The following COL4A4 variants were observed in gnomAD, a reference collection of about 807,000 sequenced individuals.
The protein encoded by COL4A4 is collagen alpha-4(IV) chain.
Under a neutral mutation model 192.9 loss-of-function variants are expected in COL4A4, and 105 were observed. That is an observed-to-expected ratio of 0.54 (90% CI 0.46 to 0.64). The LOEUF is 0.64. Ranked by LOEUF, COL4A4 falls within the 30% of genes least tolerant of loss-of-function variation. The pLI, the probability that COL4A4 is intolerant of heterozygous loss-of-function variation, is 0.00. For synonymous variants in COL4A4, 762 were observed against 769.9 expected, an observed-to-expected ratio of 0.99 and a Z score of 0.17; for missense variants, 1,967 against 2,169.3, an observed-to-expected ratio of 0.91 and a Z score of 1.85.
intron 37 of COL4A4, among the ~76,000 whole-genome samples, chr2:227,035,229 T>C (rs952550093): frequency 2.0e-5 from 3 of 152,162 alleles, no homozygotes; most frequent in Non-Finnish European, 4.4e-5. Flanking sequence ...ACAAGGTGGA[T>C]GAGGGAGAAA....
intron 44 of COL4A4, among the ~76,000 whole-genome samples, chr2:227,014,330 G>T (rs1201609373): frequency 6.6e-6 from 1 of 152,156 alleles, no homozygotes; most frequent in Non-Finnish European, 1.5e-5. Context: ...TGCATTTCTA[G>T]AAGTCCCCAG....
At chr2:227,139,687 G>A (rs2063065576) in intron 4 of COL4A4, among the ~76,000 whole-genome samples, 1 of 152,134 alleles carries the variant, frequency 6.6e-6, no homozygotes, top group African/African-American at 2.4e-5. Flanking sequence ...ACAGTGCCTG[G>A]CACATAACAA....
At chr2:227,139,080 G>C (rs906750690) in intron 4 of COL4A4, among the ~76,000 whole-genome samples, 2 of 152,176 alleles carry the variant, frequency 1.3e-5, no homozygotes, top group Admixed American at 1.3e-4. Flanking sequence ...TTGGATGAAT[G>C]CCCATATAAA....
upstream of COL4A4, chr2:227,164,440 C>T: frequency 1.9e-6 from 1 of 530,238 alleles, no homozygotes; most frequent in Non-Finnish European, 3.4e-6. The surrounding 1 kb of genome is among the most constrained non-coding windows in gnomAD (Gnocchi z 4.8). Flanking sequence ...AGCCCTTTCT[C>T]GCCTCCTGGG....
intron 37 of COL4A4, among the ~76,000 whole-genome samples, chr2:227,041,294 G>A (rs1181916562): frequency 1.3e-5 from 2 of 152,224 alleles, no homozygotes; most frequent in East Asian, 3.9e-4. Flanking sequence ...AACCATAGGT[G>A]AAGGGAATAC....
At chr2:227,141,576 C>A (rs928691815) in intron 3 of COL4A4, among the ~76,000 whole-genome samples, 2 of 152,116 alleles carry the variant, frequency 1.3e-5, no homozygotes, top group Non-Finnish European at 2.9e-5. Flanking sequence ...TATGCTCAGA[C>A]ACAATCCAAA....
At chr2:227,108,756 T>C in intron 11 of COL4A4, 77 bp downstream of exon 11, 1 of 1,532,506 alleles carries the variant, frequency 6.5e-7, no homozygotes, top group South Asian at 1.1e-5. Flanking sequence ...AGGAAAGCCA[T>C]CATTCTGACA....
intron 4 of COL4A4, among the ~76,000 whole-genome samples, chr2:227,135,040 C>G (rs549035461): frequency 1.8e-4 from 28 of 152,282 alleles, no homozygotes; most frequent in African/African-American, 6.3e-4. Flanking sequence ...AGAGCTTCCT[C>G]CCTTGAAACT....
chr2:227,001,372 G>GAGAT (rs1960919231), downstream of COL4A4, among the ~76,000 whole-genome samples: 1 of 133,010 alleles, frequency 7.5e-6, no homozygotes, highest in African/African-American at 3.2e-5. Context: ...AGTTGACCCT[G>GAGAT]AGATAAAGGC....
At chr2:227,041,834 A>AAGAGAAAGAAAG (rs1354325705) in intron 37 of COL4A4, among the ~76,000 whole-genome samples, 5 of 41,860 alleles carry the variant, frequency 1.2e-4, no homozygotes, top group East Asian at 6.1e-4. Flanking sequence ...GAAAGAAAGA[A>AAGAGAAAGAAAG]AGAAAGAAAG....
Position 227,098,802 on chromosome 2 carries a change from C to T in COL4A4, c.1100-4G>A, listed in dbSNP as rs375731786. 2 of 1,610,868 alleles carry T rather than the reference C, an allele frequency of 1.2e-6. No homozygotes were observed. The highest frequency in any genetic ancestry group is 8.5e-7 in the Non-Finnish European group (1 of 1,177,226). ...AACCCTGGGTCCCCTGGTGGGCCTG[C>T]CAAAGATAATGGTACATGAGAATAA... On this transcript the variant is annotated splice_region_variant and splice_polypyrimidine_tract_variant and intron_variant, in intron 18 of 47. Coordinates refer to ENST00000396625, the MANE Select transcript of COL4A4 (RefSeq NM_000092.5).
Position 227,114,435 on chromosome 2 carries a change from G to C in COL4A4, c.558+193C>G. The C allele has an allele frequency of 5.8e-6, 4 of 686,556 alleles. No homozygotes were observed. The South Asian group carries it at 6.2e-5, about 11-fold the overall frequency. The allele number at this position is 686,556 out of a possible 1,614,324, so 42.5% of individuals were successfully genotyped here. A position where few individuals can be genotyped will look rare whatever the true frequency, so the allele number is the denominator to read the frequency against. On this transcript the variant is annotated intron_variant, in intron 8 of 47. Transcript: ENST00000396625. ...TTCAGAAGTAATGGAATTTTACAGT[G>C]CTGGAATTTTACTGGCGACTAAAGC...
In COL4A4 at chr2:227,089,654, T is replaced by TA. The variant is rs2059804965; in HGVS notation, c.1459+213dup. Among the ~76,000 whole-genome samples, 506 of 142,186 alleles carry TA rather than the reference T, an allele frequency of 3.6e-3. 7 individuals carry two copies. Among genetic ancestry groups the TA allele is most frequent in the Non-Finnish European group, 5.9e-3 (379 of 64,664 alleles). The allele number at this position is 142,186 out of a possible 152,430, so 93.3% of individuals were successfully genotyped here. On this transcript the variant is annotated intron_variant, in intron 21 of 47. Coordinates refer to ENST00000396625, the MANE Select transcript of COL4A4 (RefSeq NM_000092.5). The stretch of plus-strand genomic sequence containing the variant: ...ATAAGACACAAGGCTTTGACTTTTA[T>TA]AATATATAAGACACAAGGCTTTATA...
chr2:227,021,045 T>C (rs1016246091), intron 44 of COL4A4, among the ~76,000 whole-genome samples: 1 of 151,920 alleles, frequency 6.6e-6, no homozygotes, highest in Non-Finnish European at 1.5e-5. Context: ...TTTGTACTTT[T>C]AGTAAGAGAC....
the COL4A4 span, among the ~76,000 whole-genome samples, chr2:226,968,183 G>T: frequency 1.3e-4 from 20 of 152,324 alleles, no homozygotes; most frequent in South Asian, 4.1e-3. Flanking sequence ...TATAAGAGTT[G>T]TATAAACTGG....
intron 1 of COL4A4, among the ~76,000 whole-genome samples, chr2:227,152,218 G>A (rs1258613137): frequency 6.6e-6 from 1 of 152,212 alleles, no homozygotes; most frequent in Admixed American, 6.5e-5. Flanking sequence ...GGAAAAATTG[G>A]TGGTTGAGGG....
At chr2:226,978,605 G>C in the COL4A4 span, among the ~76,000 whole-genome samples, 1 of 152,178 alleles carries the variant, frequency 6.6e-6, no homozygotes, top group Non-Finnish European at 1.5e-5. Flanking sequence ...TTCATCCCCA[G>C]GCATAGAATG....
chr2:227,090,793 T>TA (rs1256341597), intron 20 of COL4A4, among the ~76,000 whole-genome samples: 3 of 125,990 alleles, frequency 2.4e-5, no homozygotes, highest in African/African-American at 8.9e-5. Context: ...AATAAATAAA[T>TA]AAAAATAAGT....
At chr2:227,160,313 C>A (rs2064719009) in intron 1 of COL4A4, among the ~76,000 whole-genome samples, 2 of 152,212 alleles carry the variant, frequency 1.3e-5, no homozygotes, top group Non-Finnish European at 2.9e-5. Context: ...CTGTTTCCCA[C>A]TCTTTCCAGG....
Sources: gnomAD v4.1 joint callset for allele counts (sites outside exome capture counted in the v4.1 genomes callset) on GRCh38, gnomAD v4.1.1 for gene constraint, Gnocchi (gnomAD v3.1) non-coding constraint, MANE v1.5 for transcripts, NCBI Gene and HGNC (gene_info 2026-07-23, HGNC 2026-07-21) for gene names.